Variants in ANXA8 observed in about 807,000 individuals in gnomAD.
The protein encoded by ANXA8 is annexin A8.
ANXA8 carries 9 observed loss-of-function variants against 26.8 expected under a neutral mutation model. That is an observed-to-expected ratio of 0.34 (90% CI 0.20 to 0.59). ANXA8 has a LOEUF of 0.59. Ranked by LOEUF, ANXA8 falls within the 20% of genes least tolerant of loss-of-function variation. The probability of loss-of-function intolerance (pLI) is 0.84; values close to 1 mark genes in which losing one functional copy is unlikely to be tolerated. For missense variants in ANXA8, 83 were observed against 238.5 expected, an observed-to-expected ratio of 0.35 and a Z score of 4.29; for synonymous variants, 39 against 94.8, an observed-to-expected ratio of 0.41 and a Z score of 3.42.
chr10:47,946,197 T>A, the ANXA8 span, among the ~76,000 whole-genome samples: 1 of 148,348 alleles, frequency 6.7e-6, no homozygotes, highest in Non-Finnish European at 1.5e-5. Flanking sequence ...ATTATTTGAA[T>A]GCTATCCATC....
At chr10:47,744,298 G>A in the ANXA8 span, among the ~76,000 whole-genome samples, 9 of 149,434 alleles carry the variant, frequency 6.0e-5, no homozygotes, top group Non-Finnish European at 1.2e-4. Context: ...TTAGACATTT[G>A]GAATCTGATT....
the ANXA8 span, among the ~76,000 whole-genome samples, chr10:47,618,221 A>G: frequency 6.4e-5 from 7 of 108,728 alleles, no homozygotes; most frequent in African/African-American, 2.6e-4. Context: ...CAAATAAGCT[A>G]TTTGCAGGTG....
chr10:47,679,745 C>T, the ANXA8 span, among the ~76,000 whole-genome samples: 1 of 151,658 alleles, frequency 6.6e-6, no homozygotes, highest in African/African-American at 2.4e-5. Context: ...ATAGTGAGAC[C>T]CTGTCTCTCA....
the ANXA8 span, among the ~76,000 whole-genome samples, chr10:47,749,750 CA>C: frequency 2.0e-5 from 3 of 149,234 alleles, no homozygotes; most frequent in African/African-American, 7.4e-5. Flanking sequence ...ATGGGTAAGA[CA>C]AATGGAAACA....
At chr10:47,986,464 G>A in the ANXA8 span, 1 of 267,874 alleles carries the variant, frequency 3.7e-6, no homozygotes, top group African/African-American at 2.3e-5. Flanking sequence ...TCTTACTGAT[G>A]AAGTTTTTTT....
the ANXA8 span, among the ~76,000 whole-genome samples, chr10:47,739,886 A>T: frequency 1.4e-5 from 2 of 144,616 alleles, no homozygotes; most frequent in Non-Finnish European, 3.0e-5. Context: ...TGAGGCCAGG[A>T]ATTGGAGACC....
chr10:47,489,870 C>T, the ANXA8 span, among the ~76,000 whole-genome samples: 2 of 146,118 alleles, frequency 1.4e-5, no homozygotes, highest in Non-Finnish European at 3.0e-5. Context: ...TGGGGTGCCA[C>T]CCCCAGCCAG....
the ANXA8 span, among the ~76,000 whole-genome samples, chr10:47,932,649 C>T: frequency 1.7e-4 from 20 of 117,244 alleles, 1 homozygote; most frequent in Admixed American, 1.3e-3. Flanking sequence ...GGGGATTCTT[C>T]ATGACGGGAT....
the ANXA8 span, among the ~76,000 whole-genome samples, chr10:47,943,918 A>C: frequency 6.8e-6 from 1 of 147,562 alleles, no homozygotes; most frequent in Non-Finnish European, 1.5e-5. Flanking sequence ...GATCTGCCAA[A>C]ACTGGCAAGG....
chr10:47,502,258 C>T, the ANXA8 span: 21 of 1,595,964 alleles, frequency 1.3e-5, 2 homozygotes, highest in Non-Finnish European at 1.7e-5. Flanking sequence ...TGCCGTGCAG[C>T]CGTCTCCCTC....
the ANXA8 span, among the ~76,000 whole-genome samples, chr10:47,627,830 TTCATTACTC>T: frequency 2.7e-5 from 4 of 149,224 alleles, no homozygotes; most frequent in Non-Finnish European, 4.4e-5. Flanking sequence ...TGTAACTAAG[TTCATTACTC>T]TCATTTATGC....
the ANXA8 span, among the ~76,000 whole-genome samples, chr10:47,674,586 T>C: frequency 6.6e-6 from 1 of 151,648 alleles, no homozygotes; most frequent in Non-Finnish European, 1.5e-5. Flanking sequence ...CTGTACTCTT[T>C]GGAAGGAAGT....
Position 47,484,002 on chromosome 10 carries a change from A to G in ANXA8, c.-69T>C. 1 of 1,611,636 alleles carries G rather than the reference A, an allele frequency of 6.2e-7. No homozygotes were observed. The highest frequency in any genetic ancestry group is 1.1e-5 in the South Asian group (1 of 90,976). ...ACAGGTTGGCCTCTGCTGGGACTCC[A>G]CACGTCTGGCTCCTGCAGCTGAGGA... On this transcript the variant is annotated 5_prime_UTR_variant, in exon 1 of 12. Coordinates refer to ENST00000585281, the MANE Select transcript of ANXA8 (RefSeq NM_001040084.3).
At chr10:47,735,324 G>A in the ANXA8 span, among the ~76,000 whole-genome samples, 10 of 145,640 alleles carry the variant, frequency 6.9e-5, no homozygotes, top group African/African-American at 2.3e-4. Flanking sequence ...TGAGCTCCTG[G>A]GCTCAACCGA....
chr10:47,937,303 G>T, the ANXA8 span, among the ~76,000 whole-genome samples: 1 of 149,286 alleles, frequency 6.7e-6, no homozygotes, highest in East Asian at 1.9e-4. Flanking sequence ...TCTGGAAGTC[G>T]CTAACTCTCT....
the ANXA8 span, among the ~76,000 whole-genome samples, chr10:47,658,274 TACTTGG>T: frequency 4.0e-5 from 6 of 149,496 alleles, no homozygotes; most frequent in African/African-American, 1.5e-4. Flanking sequence ...TAGTCCCAAC[TACTTGG>T]GAGGCTGAGG....
At chr10:47,689,494 G>T in the ANXA8 span, among the ~76,000 whole-genome samples, 4 of 151,864 alleles carry the variant, frequency 2.6e-5, no homozygotes, top group African/African-American at 9.7e-5. Flanking sequence ...GTCTTTAGGT[G>T]AAAAATTTTT....
the ANXA8 span, among the ~76,000 whole-genome samples, chr10:47,624,402 A>G: frequency 1.6e-4 from 20 of 123,610 alleles, no homozygotes; most frequent in Non-Finnish European, 2.8e-4. Flanking sequence ...CTTTCTGTCT[A>G]TATTTTTCTT....
chr10:47,692,953 T>C, the ANXA8 span, among the ~76,000 whole-genome samples: 1 of 151,436 alleles, frequency 6.6e-6, no homozygotes, highest in Non-Finnish European at 1.5e-5. Flanking sequence ...CGGGCTGGTT[T>C]CGAACTCCTG....
Sources: allele counts gnomAD v4.1 joint callset (sites outside exome capture counted in the v4.1 genomes callset), GRCh38; gene constraint gnomAD v4.1.1; transcripts MANE v1.5; gene names NCBI Gene and HGNC (gene_info 2026-07-23, HGNC 2026-07-21).